RNF157: variants seen among roughly 807,000 people sequenced by gnomAD.
RNF157 encodes the protein E3 ubiquitin ligase RNF157.
A neutral mutation model predicts 88.3 loss-of-function variants in RNF157; 55 were observed. The observed-to-expected ratio is 0.62, with a 90% CI of 0.50 to 0.78. The LOEUF (loss-of-function observed/expected upper bound fraction) is 0.78. RNF157 is among the 30% of genes least tolerant of loss of function. RNF157 has a pLI of 0.00. For missense variants in RNF157, 788 were observed against 860.8 expected (o/e 0.92, Z 1.06); for synonymous variants, 334 against 341.2 (o/e 0.98, Z 0.23).
At chr17:76,149,395 C>T (rs1407163366) in intron 18 of RNF157, among the ~76,000 whole-genome samples, 1 of 151,940 alleles carries the variant, frequency 6.6e-6, no homozygotes, top group Non-Finnish European at 1.5e-5. Flanking sequence ...CAAGCAGAGA[C>T]CAGGCGCATG....
chr17:76,148,061 T>C (rs2068611685), intron 18 of RNF157, among the ~76,000 whole-genome samples: 1 of 152,126 alleles, frequency 6.6e-6, no homozygotes, highest in African/African-American at 2.4e-5. Context: ...AGAAACTTAG[T>C]TTGAAATTTT....
intron 4 of RNF157, 134 bp from the exon 5 acceptor site, chr17:76,167,260 T>C (rs2068942810): frequency 1.4e-6 from 1 of 720,898 alleles, no homozygotes; most frequent in South Asian, 1.6e-5. Context: ...TTATAATCCA[T>C]TTCCTTTGCT....
intron 2 of RNF157, among the ~76,000 whole-genome samples, chr17:76,174,344 A>C (rs1448591383): frequency 1.1e-4 from 17 of 152,202 alleles, no homozygotes; most frequent in Admixed American, 1.1e-3. Flanking sequence ...CATGTGAGCC[A>C]AGAGTTATTT....
chr17:76,207,138 G>A lies in RNF157; in HGVS notation c.207+5226C>T, dbSNP rs190788948. Among the ~76,000 whole-genome samples, 107 of 152,210 alleles carry A rather than the reference G, an allele frequency of 7.0e-4. No individual in the cohort carries two copies. In the East Asian group the frequency reaches 0.018, roughly 26 times the overall value. On this transcript the variant is annotated intron_variant, in intron 2 of 18. Transcript: ENST00000269391. ...TTGATAATAAATTTGGCTTTGGGCC[G>A]GGCTTGGTGGCTCACACCTGCAATC...
chr17:76,212,316 A>T, intron 2 of RNF157, 48 bp downstream of exon 2: 1 of 1,284,046 alleles, frequency 7.8e-7, no homozygotes, highest in Non-Finnish European at 1.1e-6. Flanking sequence ...ACATTTTTTG[A>T]ATTGGCCACT....
intron 1 of RNF157, among the ~76,000 whole-genome samples, chr17:76,217,420 T>C (rs1368013326): frequency 6.6e-6 from 1 of 152,210 alleles, no homozygotes; most frequent in Non-Finnish European, 1.5e-5. Context: ...CTTGCTTTCA[T>C]TTAGACAAAT....
chr17:76,163,224 G>A (rs2068872078), intron 8 of RNF157: 1 of 129,426 alleles, frequency 7.7e-6, no homozygotes, highest in African/African-American at 3.1e-5. Context: ...ATAGGGTCTT[G>A]CTCTGTCATC....
Position 76,195,455 on chromosome 17 carries a change from A to C in RNF157, c.207+16909T>G, listed in dbSNP as rs1285365654. On this transcript the variant is annotated intron_variant, in intron 2 of 18. Coordinates refer to ENST00000269391, the MANE Select transcript of RNF157 (RefSeq NM_052916.3). This position sits in a 1 kb window ranked among gnomAD's most constrained non-coding sequence, Gnocchi z 4.4. ...GTGGGAAAAAAAAATTGGTAGAATCACTTTGAAAAGCGGTTAGCGGTATCT... is the reference window on the plus strand; with the variant it reads ...GTGGGAAAAAAAAATTGGTAGAATCCCTTTGAAAAGCGGTTAGCGGTATCT... Among the ~76,000 whole-genome samples the C allele has an allele frequency of 2.6e-5, 4 of 152,216 alleles. No individual in the cohort carries two copies. In the East Asian group the frequency reaches 7.7e-4, roughly 29 times the overall value.
At chr17:76,232,149 G>A (rs1171052667) in intron 1 of RNF157, among the ~76,000 whole-genome samples, 2 of 152,106 alleles carry the variant, frequency 1.3e-5, no homozygotes, top group Admixed American at 6.5e-5. Flanking sequence ...TTGAGAGGCC[G>A]AGGCTGAAGG....
chr17:76,226,085 G>A (rs2070079072), intron 1 of RNF157: 4 of 1,602,170 alleles, frequency 2.5e-6, no homozygotes, highest in Admixed American at 3.5e-5. Context: ...CCTATTTGGA[G>A]AGCCCCTGGT....
At chr17:76,187,898 C>T (rs1241939578) in intron 2 of RNF157, among the ~76,000 whole-genome samples, 1 of 152,164 alleles carries the variant, frequency 6.6e-6, no homozygotes, top group Non-Finnish European at 1.5e-5. Flanking sequence ...ACGCCCAGCC[C>T]TGATAGTTCT....
At chr17:76,173,845 T>G in intron 2 of RNF157, 55 bp from the exon 3 acceptor site, 72 of 1,391,386 alleles carry the variant, frequency 5.2e-5, no homozygotes, top group Non-Finnish European at 6.6e-5. Context: ...CCCACAGCTG[T>G]CCCTCGCTTT....
chr17:76,208,403 C>T (rs2069718907), intron 2 of RNF157, among the ~76,000 whole-genome samples: 1 of 152,186 alleles, frequency 6.6e-6, no homozygotes, highest in Non-Finnish European at 1.5e-5. Flanking sequence ...ACAGGCTGTG[C>T]AGTCTTTAAA....
chr17:76,210,603 AAG>A (rs2069778653), intron 2 of RNF157, among the ~76,000 whole-genome samples: 4 of 149,216 alleles, frequency 2.7e-5, no homozygotes, highest in African/African-American at 9.9e-5. Context: ...AAAAAAAAAA[AAG>A]AAAGAAAGAA....
rs756027019 is a variant in RNF157, at chr17:76,202,639, AT to A, written c.207+9724del. Reference sequence around the variant, plus strand: ...AACTGTGAGCTATTAGAGCGCTACTATTTTTTTTTTCAGGCTCTGAATAGTT... The same window carrying A: ...AACTGTGAGCTATTAGAGCGCTACTATTTTTTTTTCAGGCTCTGAATAGTT... On this transcript the variant is annotated intron_variant, in intron 2 of 18. Coordinates refer to ENST00000269391, the MANE Select transcript of RNF157 (RefSeq NM_052916.3). 1,226 of 155,870 alleles carry A rather than the reference AT, an allele frequency of 7.9e-3. 11 individuals carry two copies. The highest frequency in any genetic ancestry group is 0.014 in the African/African-American group (579 of 40,968). 9.7% of individuals were successfully genotyped at this position (155,870 alleles called of 1,614,324 possible).
At chr17:76,214,187 CA>C (rs2069850060) in intron 1 of RNF157, among the ~76,000 whole-genome samples, 1 of 152,126 alleles carries the variant, frequency 6.6e-6, no homozygotes, top group African/African-American at 2.4e-5. Flanking sequence ...TGGGATGGGA[CA>C]CTATCTTCAA....
chr17:76,227,600 C>T (rs112217628), intron 1 of RNF157, among the ~76,000 whole-genome samples: 3,895 of 151,728 alleles, frequency 0.026, 186 homozygotes, highest in African/African-American at 0.089. Context: ...GGTAGTGGCC[C>T]GGCATGGTGG....
chr17:76,190,899 C>T (rs1015928904), intron 2 of RNF157, among the ~76,000 whole-genome samples: 1 of 148,992 alleles, frequency 6.7e-6, no homozygotes, highest in South Asian at 2.1e-4. Flanking sequence ...CAGGGCGAGA[C>T]TCTGTCTCAA....
chr17:76,226,573 G>GGCAT, intron 1 of RNF157: 1 of 1,613,586 alleles, frequency 6.2e-7, no homozygotes, highest in East Asian at 2.2e-5. Context: ...TCCCAGAGAA[G>GGCAT]GCATCCTCCT....
Sources: allele counts gnomAD v4.1 joint callset (sites outside exome capture counted in the v4.1 genomes callset), GRCh38; gene constraint gnomAD v4.1.1; non-coding constraint Gnocchi (gnomAD v3.1); transcripts MANE v1.5; gene names NCBI Gene and HGNC (gene_info 2026-07-23, HGNC 2026-07-21).